Variants in ALCAM observed in about 807,000 individuals in gnomAD.
ALCAM encodes CD166 antigen.
A neutral mutation model predicts 70.9 loss-of-function variants in ALCAM; 30 were observed. The ratio of observed to expected loss-of-function variants is 0.42; its 90% confidence interval spans 0.32 to 0.57. The LOEUF is 0.57. ALCAM is among the 20% of genes least tolerant of loss of function. The pLI is 0.11. For synonymous variants in ALCAM, 249 were observed against 242.5 expected (o/e 1.03, Z -0.25); for missense variants, 591 against 695.1 (o/e 0.85, Z 1.68).
intron 9 of ALCAM, among the ~76,000 whole-genome samples, chr3:105,546,580 C>T (rs1219608262): frequency 1.3e-5 from 2 of 151,464 alleles, no homozygotes; most frequent in East Asian, 3.9e-4. Context: ...TTTGAACACT[C>T]ATTGCATGTT....
intron 1 of ALCAM, among the ~76,000 whole-genome samples, chr3:105,491,585 A>G (rs1275763608): frequency 6.6e-6 from 1 of 152,224 alleles, no homozygotes; most frequent in Non-Finnish European, 1.5e-5. Flanking sequence ...CCTCTTGAAC[A>G]CTTTGCTGGT....
At chr3:105,520,432 G>GA (rs1258983039) in intron 2 of ALCAM, among the ~76,000 whole-genome samples, 1 of 152,150 alleles carries the variant, frequency 6.6e-6, no homozygotes, top group African/African-American at 2.4e-5. Flanking sequence ...TAGAGGCAAA[G>GA]AAAAAAGCAG....
Position 105,477,611 on chromosome 3 carries a change from T to G in ALCAM, c.74-42456T>G, listed in dbSNP as rs140536505. ...TAAACTGCTTGGGATTTACTGAACTTCTTAAACCTGTAAATTTGTGTCTTT... is the reference window on the plus strand; with the variant it reads ...TAAACTGCTTGGGATTTACTGAACTGCTTAAACCTGTAAATTTGTGTCTTT... On this transcript the variant is annotated intron_variant, in intron 1 of 15. Transcript: ENST00000306107. 2.8e-4 allele frequency among the ~76,000 whole-genome samples: 43 copies of G among 152,236 alleles called. No homozygotes were observed. The East Asian group carries it at 8.3e-3, about 29-fold the overall frequency.
At chr3:105,368,683 G>A (rs1378902252) in intron 1 of ALCAM, among the ~76,000 whole-genome samples, 1 of 152,120 alleles carries the variant, frequency 6.6e-6, no homozygotes, top group Non-Finnish European at 1.5e-5. Flanking sequence ...GAACTGGCGG[G>A]GAGAGGGGTT....
chr3:105,496,402 T>C (rs1938738174), intron 1 of ALCAM, among the ~76,000 whole-genome samples: 1 of 152,154 alleles, frequency 6.6e-6, no homozygotes. Flanking sequence ...TTGCTTCTTA[T>C]TTTGTAGTGT....
chr3:105,397,670 A>G (rs1197624686), intron 1 of ALCAM, among the ~76,000 whole-genome samples: 2 of 151,980 alleles, frequency 1.3e-5, no homozygotes, highest in African/African-American at 4.8e-5. Flanking sequence ...GAAATTCTAA[A>G]CTATTTACGT....
At chr3:105,463,824 A>G (rs1243471570) in intron 1 of ALCAM, among the ~76,000 whole-genome samples, 2 of 151,422 alleles carry the variant, frequency 1.3e-5, no homozygotes, top group African/African-American at 4.8e-5. Flanking sequence ...TTGTTACAGT[A>G]GTATTTTCCC....
Position 105,575,564 on chromosome 3 carries a change from G to A in ALCAM, c.*1113G>A, listed in dbSNP as rs1469568052. On this transcript the variant is annotated 3_prime_UTR_variant, in exon 16 of 16. Coordinates refer to ENST00000306107, the MANE Select transcript of ALCAM (RefSeq NM_001627.4). ...ATACATAATTTATCAAGCAGTACAT[G>A]AAAGTGTAATAATAAAATGTCTATG... 1 of 152,528 alleles carries A rather than the reference G, an allele frequency of 6.6e-6. No homozygotes were observed. Among genetic ancestry groups the A allele is most frequent in the Non-Finnish European group, 1.5e-5 (1 of 68,012 alleles). The allele number at this position is 152,528 out of a possible 1,614,324, so 9.4% of individuals were successfully genotyped here.
At chr3:105,379,326 C>CAAA (rs1006868173) in intron 1 of ALCAM, among the ~76,000 whole-genome samples, 2 of 151,870 alleles carry the variant, frequency 1.3e-5, no homozygotes, top group African/African-American at 2.4e-5. Flanking sequence ...CATCTGAATA[C>CAAA]ATTTTGGGCT....
chr3:105,531,983 T>C lies in ALCAM; in HGVS notation c.395-19T>C. ...TTTTCTTACATATGTACTTAAAATC[T>C]TTCTCTGCTTAACTTTAGAGCAACC... On this transcript the variant is annotated intron_variant, in intron 3 of 15. Coordinates refer to ENST00000306107, the MANE Select transcript of ALCAM (RefSeq NM_001627.4). 1 of 1,610,052 alleles carries C rather than the reference T, an allele frequency of 6.2e-7. No individual in the cohort carries two copies. Among genetic ancestry groups the C allele is most frequent in the Non-Finnish European group, 8.5e-7 (1 of 1,177,076 alleles).
At chr3:105,547,672 C>T in intron 11 of ALCAM, 149 bp downstream of exon 11, 1 of 948,058 alleles carries the variant, frequency 1.1e-6, no homozygotes, top group Non-Finnish European at 1.5e-6. Flanking sequence ...AGTACATGCT[C>T]AGAGGAAGCT....
In ALCAM at chr3:105,448,404, T is replaced by TAAA. The variant is rs35702821; in HGVS notation, c.74-71654_74-71652dup. On this transcript the variant is annotated intron_variant, in intron 1 of 15. Coordinates refer to ENST00000306107, the MANE Select transcript of ALCAM (RefSeq NM_001627.4). ...TGTCCTTGCATTTTGTAGTCTCCAT[T>TAAA]AAAAAAAAAAACACTCCAGTAATCT... Among the ~76,000 whole-genome samples the TAAA allele has an allele frequency of 1.7e-3, 253 of 149,192 alleles. 1 individual carries two copies. Among genetic ancestry groups the TAAA allele is most frequent in the East Asian group, 0.01 (53 of 5,092 alleles).
intron 1 of ALCAM, among the ~76,000 whole-genome samples, chr3:105,470,366 T>TA (rs1937892687): frequency 6.6e-6 from 1 of 150,936 alleles, no homozygotes; most frequent in Admixed American, 6.6e-5. Context: ...AAAAAACACA[T>TA]ATGGTAAATT....
At chr3:105,382,829 T>G (rs1935560581) in intron 1 of ALCAM, among the ~76,000 whole-genome samples, 1 of 152,032 alleles carries the variant, frequency 6.6e-6, no homozygotes, top group Non-Finnish European at 1.5e-5. Flanking sequence ...CATTGTAGAT[T>G]CTGGATATTA....
intron 1 of ALCAM, among the ~76,000 whole-genome samples, chr3:105,422,967 C>A (rs7620010): frequency 6.7e-4 from 102 of 151,552 alleles, no homozygotes; most frequent in African/African-American, 2.3e-3. Flanking sequence ...CATTTTACAA[C>A]ATAATGTATA....
At chr3:105,458,672 C>T (rs1290142755) in intron 1 of ALCAM, among the ~76,000 whole-genome samples, 6 of 152,088 alleles carry the variant, frequency 3.9e-5, no homozygotes, top group African/African-American at 1.2e-4. Context: ...TAACTGAATA[C>T]ATTCTGATGA....
intron 1 of ALCAM, among the ~76,000 whole-genome samples, chr3:105,406,020 T>C (rs961346863): frequency 1.3e-5 from 2 of 152,146 alleles, no homozygotes; most frequent in Non-Finnish European, 2.9e-5. Flanking sequence ...TTCAAAATTA[T>C]AAAGTTTTCC....
chr3:105,437,717 G>A (rs1256237956), intron 1 of ALCAM, among the ~76,000 whole-genome samples: 1 of 81,094 alleles, frequency 1.2e-5, no homozygotes, highest in Non-Finnish European at 2.4e-5. Context: ...ATAATCTAAC[G>A]TGGAAAATTT....
intron 3 of ALCAM, 154 bp downstream of exon 3, chr3:105,524,662 T>G: frequency 7.4e-7 from 1 of 1,349,226 alleles, no homozygotes; most frequent in Admixed American, 3.2e-5. Flanking sequence ...TCATATATAC[T>G]ATCAGCAAAG....
Sources: gnomAD v4.1 joint callset for allele counts (sites outside exome capture counted in the v4.1 genomes callset) on GRCh38, gnomAD v4.1.1 for gene constraint, MANE v1.5 for transcripts, NCBI Gene and HGNC (gene_info 2026-07-23, HGNC 2026-07-21) for gene names.